Variants in PSD3 observed in about 807,000 individuals in gnomAD.
PSD3 encodes PH and SEC7 domain-containing protein 3.
A neutral mutation model predicts 105.5 loss-of-function variants in PSD3; 49 were observed. That is an observed-to-expected ratio of 0.46 (90% CI 0.37 to 0.59). The LOEUF (loss-of-function observed/expected upper bound fraction) is 0.59, where lower values mean the gene tolerates loss of function less well. Ranked by LOEUF, PSD3 falls within the 20% of genes least tolerant of loss-of-function variation. PSD3 has a pLI of 0.00. For missense variants in PSD3, 1,561 were observed against 1,263.8 expected, an observed-to-expected ratio of 1.24 and a Z score of -3.57; for synonymous variants, 557 against 457.8, an observed-to-expected ratio of 1.22 and a Z score of -2.77.
intron 10 of PSD3, 65 bp downstream of exon 10, chr8:18,655,577 G>T: frequency 7.1e-7 from 1 of 1,408,950 alleles, no homozygotes. Context: ...CACTTCCAAG[G>T]CATAAAGACA....
At chr8:18,620,226 A>G (rs915071547) in intron 11 of PSD3, among the ~76,000 whole-genome samples, 1 of 152,062 alleles carries the variant, frequency 6.6e-6, no homozygotes, top group Non-Finnish European at 1.5e-5. Flanking sequence ...GAACCAATGG[A>G]TACCTTTCAT....
chr8:18,772,404 G>T (rs941581189), intron 8 of PSD3, among the ~76,000 whole-genome samples: 4 of 151,498 alleles, frequency 2.6e-5, no homozygotes, highest in Non-Finnish European at 4.4e-5. Flanking sequence ...TATTTTTTTT[G>T]ATAGCAATGA....
intron 11 of PSD3, among the ~76,000 whole-genome samples, chr8:18,617,729 G>C (rs577289898): frequency 2.6e-5 from 4 of 152,150 alleles, no homozygotes; most frequent in Admixed American, 1.3e-4. Flanking sequence ...TTGGAGTTTA[G>C]GCACAACTGA....
chr8:18,858,524 G>A (rs1206847257), intron 4 of PSD3, among the ~76,000 whole-genome samples: 1 of 152,050 alleles, frequency 6.6e-6, no homozygotes, highest in Non-Finnish European at 1.5e-5. Flanking sequence ...TAGCCTGTGA[G>A]GCTGCTTGAT....
intron 1 of PSD3, among the ~76,000 whole-genome samples, chr8:19,005,873 G>A (rs1404456280): frequency 2.0e-5 from 3 of 151,826 alleles, no homozygotes; most frequent in Non-Finnish European, 4.4e-5. Flanking sequence ...AAAAATCAAT[G>A]AGTGTACACT....
chr8:18,834,306 T>C (rs377277643), intron 4 of PSD3, among the ~76,000 whole-genome samples: 6 of 152,296 alleles, frequency 3.9e-5, no homozygotes, highest in African/African-American at 1.4e-4. Flanking sequence ...AAATGATAAA[T>C]GGATAGAAAA....
At chr8:18,742,689 C>G (rs760786291) in intron 9 of PSD3, among the ~76,000 whole-genome samples, 1 of 152,182 alleles carries the variant, frequency 6.6e-6, no homozygotes, top group Non-Finnish European at 1.5e-5. Flanking sequence ...GAGATTACAT[C>G]ACCATTTTGG....
intron 12 of PSD3, among the ~76,000 whole-genome samples, chr8:18,584,525 A>G (rs558711572): frequency 3.3e-5 from 5 of 152,250 alleles, no homozygotes; most frequent in Non-Finnish European, 5.9e-5. Flanking sequence ...AAATGGGAAC[A>G]GTATCCTTCT....
At chr8:18,931,922 CAT>C (rs35234057) in intron 2 of PSD3, among the ~76,000 whole-genome samples, 12,430 of 152,216 alleles carry the variant, frequency 0.082, 680 homozygotes, top group Non-Finnish European at 0.12. Context: ...ACATTTCACA[CAT>C]GATTCAGAGC....
intron 9 of PSD3, among the ~76,000 whole-genome samples, chr8:18,711,713 C>A (rs893671351): frequency 2.0e-5 from 3 of 152,120 alleles, no homozygotes; most frequent in Non-Finnish European, 4.4e-5. Context: ...CAATATCAGA[C>A]AGATCGTCAA....
At chr8:18,547,090 G>C (rs1264332381) in intron 15 of PSD3, among the ~76,000 whole-genome samples, 1 of 152,134 alleles carries the variant, frequency 6.6e-6, no homozygotes, top group Admixed American at 6.6e-5. Flanking sequence ...TGCAGGATCT[G>C]AGTCCACAGT....
At chr8:18,988,639 A>G (rs1825632370) in intron 1 of PSD3, among the ~76,000 whole-genome samples, 1 of 152,186 alleles carries the variant, frequency 6.6e-6, no homozygotes. Flanking sequence ...CTCTATTTCC[A>G]ATCACACTAC....
intron 9 of PSD3, among the ~76,000 whole-genome samples, chr8:18,720,333 T>C (rs532015071): frequency 7.2e-5 from 11 of 151,864 alleles, no homozygotes; most frequent in African/African-American, 1.7e-4. Flanking sequence ...TTTACCACAA[T>C]TGGATTCTCT....
chr8:18,717,937 G>C (rs1802705028), intron 9 of PSD3, among the ~76,000 whole-genome samples: 1 of 152,192 alleles, frequency 6.6e-6, no homozygotes, highest in African/African-American at 2.4e-5. Flanking sequence ...AAATGCTGAA[G>C]CTGGCTCAGT....
At chr8:18,805,792 G>A (rs1157610456) in intron 4 of PSD3, among the ~76,000 whole-genome samples, 1 of 152,102 alleles carries the variant, frequency 6.6e-6, no homozygotes, top group African/African-American at 2.4e-5. Flanking sequence ...ACCTTTGCGG[G>A]CAGATACAAG....
At chr8:18,843,912 A>C (rs1270649833) in intron 4 of PSD3, among the ~76,000 whole-genome samples, 2 of 125,566 alleles carry the variant, frequency 1.6e-5, no homozygotes, top group Admixed American at 1.9e-4. Context: ...TATAAGATAG[A>C]CTATTTTTTT....
In PSD3 at chr8:18,655,629, C is replaced by G. The variant is rs965089325; in HGVS notation, c.2216+13G>C. 29 of 1,612,972 alleles carry G rather than the reference C, an allele frequency of 1.8e-5. No homozygotes were observed. The highest frequency in any genetic ancestry group is 2.3e-5 in the Non-Finnish European group (27 of 1,179,136). Reference sequence around the variant, plus strand: ...TAGTTCATTATTAAAAGGCTGACGTCCAGCACACTTACACTGCCCATTCAA... The same window carrying G: ...TAGTTCATTATTAAAAGGCTGACGTGCAGCACACTTACACTGCCCATTCAA... On this transcript the variant is annotated intron_variant, in intron 10 of 15. Transcript: ENST00000327040.
chr8:19,009,790 C>T (rs1465876058), intron 1 of PSD3, among the ~76,000 whole-genome samples: 1 of 151,292 alleles, frequency 6.6e-6, no homozygotes, highest in Non-Finnish European at 1.5e-5. Context: ...ACTCGGGAGG[C>T]TGAGACAGGA....
chr8:18,671,566 T>C (rs534551308), intron 9 of PSD3, among the ~76,000 whole-genome samples: 1 of 152,326 alleles, frequency 6.6e-6, no homozygotes, highest in East Asian at 1.9e-4. Flanking sequence ...TTAACTATTC[T>C]TCTTTGGAAG....
Sources: gnomAD v4.1 joint callset for allele counts (sites outside exome capture counted in the v4.1 genomes callset) on GRCh38, gnomAD v4.1.1 for gene constraint, MANE v1.5 for transcripts, NCBI Gene and HGNC (gene_info 2026-07-23, HGNC 2026-07-21) for gene names.